The following CLASRP variants were observed in gnomAD, a reference collection of about 807,000 sequenced individuals.
CLASRP encodes the protein CLK4-associating serine/arginine rich protein.
CLASRP carries 52 observed loss-of-function variants against 99.9 expected under a neutral mutation model. The ratio of observed to expected loss-of-function variants is 0.52; its 90% CI spans 0.42 to 0.66. CLASRP has a LOEUF of 0.66. Among genes scored for constraint, CLASRP ranks in the 30% least tolerant of loss-of-function variants. CLASRP has a pLI of 0.00. For synonymous variants in CLASRP, 379 were observed against 373.0 expected, an observed-to-expected ratio of 1.02 and a Z score of -0.18; for missense variants, 848 against 999.2, an observed-to-expected ratio of 0.85 and a Z score of 2.04.
intron 2 of CLASRP, among the ~76,000 whole-genome samples, chr19:45,051,372 G>GGGC (rs1972020276): frequency 1.3e-5 from 2 of 151,818 alleles, no homozygotes; most frequent in African/African-American, 4.8e-5. Flanking sequence ...AGAGTGCGGT[G>GGGC]ACACAATCTC....
intron 2 of CLASRP, among the ~76,000 whole-genome samples, chr19:45,045,077 G>A (rs1971890092): frequency 6.6e-6 from 1 of 152,206 alleles, no homozygotes; most frequent in African/African-American, 2.4e-5. Flanking sequence ...GGGGACCTAA[G>A]CCGCTTCTGT....
Position 45,067,613 on chromosome 19 carries a change from G to T in CLASRP, c.1667+19G>T. 6.4e-7 allele frequency: 1 copy of T among 1,571,274 alleles called. No homozygotes were observed. The highest frequency in any genetic ancestry group is 8.6e-7 in the Non-Finnish European group (1 of 1,159,470). On this transcript the variant is annotated intron_variant, in intron 14 of 20. Transcript: ENST00000221455. This position sits in a 1 kb window ranked among gnomAD's most constrained non-coding sequence, Gnocchi z 4.9. Reference sequence around the variant, plus strand: ...TGAAAAAGTGAGCGGGGCGGGTCTGGAGGAAGAGGGCTGCCAATCTCGGGT... The same window carrying T: ...TGAAAAAGTGAGCGGGGCGGGTCTGTAGGAAGAGGGCTGCCAATCTCGGGT...
At chr19:45,050,225 C>G (rs944098209) in intron 2 of CLASRP, among the ~76,000 whole-genome samples, 9 of 151,766 alleles carry the variant, frequency 5.9e-5, no homozygotes, top group Admixed American at 4.6e-4. Flanking sequence ...GGGGTGCGGC[C>G]CAACATGTGT....
At chr19:45,068,141 G>A (rs544932744) in intron 15 of CLASRP, 87 bp downstream of exon 15, 6 of 1,251,212 alleles carry the variant, frequency 4.8e-6, no homozygotes, top group East Asian at 2.4e-5. Context: ...AGGGGGGCCC[G>A]GGTGGGCTGG....
At chr19:45,047,419 A>G (rs1441782102) in intron 2 of CLASRP, 3 of 151,324 alleles carry the variant, frequency 2.0e-5, no homozygotes, top group African/African-American at 7.3e-5. Flanking sequence ...CTCAAAAAAA[A>G]AAAAAAAAAA....
intron 10 of CLASRP, among the ~76,000 whole-genome samples, chr19:45,061,330 G>A (rs1472423644): frequency 6.6e-6 from 1 of 152,230 alleles, no homozygotes; most frequent in South Asian, 2.1e-4. Context: ...GCACACAGAG[G>A]GTAGTGCAGG....
rs759794192 is a variant in CLASRP at position 45,064,070 on chromosome 19, C to T, written c.964C>T (p.Arg322Cys). Residue 322 changes from arginine (R) to cysteine (C), a missense_variant, in exon 12 of 21, where the codon CGC becomes TGC. Arg to Cys is a radical substitution (Grantham distance 180). Coordinates refer to ENST00000221455, the MANE Select transcript of CLASRP (RefSeq NM_007056.3). ...RSRSRSPTPG[R>C]EEKITFITSF... is the part of the protein sequence containing the mutation. The stretch of plus-strand genomic sequence containing the variant: ...CCGCTCCCGCTCCCCGACCCCGGGC[C>T]GCGAGGAGAAGATCACGTTCATCAC... The T allele has an allele frequency of 7.4e-6, 12 of 1,612,350 alleles. 1 individual carries two copies. Among genetic ancestry groups the T allele is most frequent in the Non-Finnish European group, 9.3e-6 (11 of 1,179,780 alleles).
chr19:45,052,633 G>A (rs1409818348), intron 3 of CLASRP, among the ~76,000 whole-genome samples, 158 bp from the exon 4 acceptor site: 1 of 152,046 alleles, frequency 6.6e-6, no homozygotes, highest in Non-Finnish European at 1.5e-5. Flanking sequence ...GCAACAGAAG[G>A]GACTGAGAGC....
In CLASRP at chr19:45,043,921, G is replaced by A. The variant is rs1027072436; in HGVS notation, c.99+3610G>A. On this transcript the variant is annotated intron_variant, in intron 2 of 20. Transcript: ENST00000221455. The stretch of plus-strand genomic sequence containing the variant: ...TTTTGAGATGGAGTCTGGCTCTGTC[G>A]CCCAGGCTGGAGTGCAGTGGCACGA... Among the ~76,000 whole-genome samples the A allele has an allele frequency of 6.6e-5, 10 of 151,636 alleles. No homozygotes were observed. In the East Asian group the frequency reaches 1.4e-3, roughly 21 times the overall value.
Position 45,067,702 on chromosome 19 carries a change from G to A in CLASRP, c.1667+108G>A. ...CTTAGCCCTACCCTGGGAGGTCTGG[G>A]GGGTGGTGTATGGCCCTGGCCTGGG... On this transcript the variant is annotated intron_variant, in intron 14 of 20. Coordinates refer to ENST00000221455, the MANE Select transcript of CLASRP (RefSeq NM_007056.3). This position sits in a 1 kb window ranked among gnomAD's most constrained non-coding sequence, Gnocchi z 4.9. The A allele has an allele frequency of 9.0e-7, 1 of 1,108,470 alleles. No individual in the cohort carries two copies. Among genetic ancestry groups the A allele is most frequent in the Non-Finnish European group, 1.3e-6 (1 of 785,892 alleles). The allele number at this position is 1,108,470 out of a possible 1,614,324, so 68.7% of individuals were successfully genotyped here.
chr19:45,054,810 G>C (rs991665931), intron 5 of CLASRP, among the ~76,000 whole-genome samples: 3 of 152,120 alleles, frequency 2.0e-5, no homozygotes, highest in Admixed American at 6.5e-5. Flanking sequence ...TGTTGCGTGG[G>C]GTGGTTGTAA....
Position 45,057,866 on chromosome 19 carries a change from A to G in CLASRP, c.581A>G (p.Asn194Ser), listed in dbSNP as rs1972150625. The change falls in exon 7 of 21, where the codon AAC (asparagine) becomes AGC (serine). Residue 194 changes from asparagine (N) to serine (S), a missense_variant. Around this residue, in one of 8 missense-constraint regions of CLASRP, gnomAD observed 119 missense variants for 170.2 expected, o/e 0.70. Transcript: ENST00000221455. ...EEESAAEEES[N>S]SDEDEVIPDI... ...GAGTCAGCGGCCGAGGAGGAGAGCA[A>G]CTCGGACGAAGATGAGGTCATCCCC... 1.2e-6 allele frequency: 2 copies of G among 1,613,906 alleles called. No individual in the cohort carries two copies. The highest frequency in any genetic ancestry group is 2.2e-5 in the East Asian group (1 of 44,868).
rs376024218 is a variant in CLASRP, at chr19:45,050,694, GTGTTT to G, written c.100-1355_100-1351del. On this transcript the variant is annotated intron_variant, in intron 2 of 20. Transcript: ENST00000221455. ...TTTCTCTATATTCTTGTCACTACTT[GTGTTT>G]TGTTTTGTTTTGTTTTGTTTTTTGT... is the stretch of plus-strand genomic sequence containing the variant. Among the ~76,000 whole-genome samples the G allele has an allele frequency of 3.9e-3, 588 of 152,072 alleles. 3 individuals are homozygous for G. Among genetic ancestry groups the G allele is most frequent in the African/African-American group, 0.013 (539 of 41,510 alleles).
intron 16 of CLASRP, among the ~76,000 whole-genome samples, chr19:45,068,784 G>C (rs1286320206): frequency 6.6e-6 from 1 of 151,964 alleles, no homozygotes; most frequent in African/African-American, 2.4e-5. Context: ...GGATCACGAG[G>C]TCAGGAGATC....
At chr19:45,066,318 C>T (rs1967086369) in intron 13 of CLASRP, among the ~76,000 whole-genome samples, 1 of 152,060 alleles carries the variant, frequency 6.6e-6, no homozygotes, top group Non-Finnish European at 1.5e-5. Flanking sequence ...CGGGGTTTCA[C>T]TGTGTTGGCC....
chr19:45,059,887 T>G (rs1966900681), intron 8 of CLASRP, among the ~76,000 whole-genome samples: 1 of 152,166 alleles, frequency 6.6e-6, no homozygotes, highest in African/African-American at 2.4e-5. Context: ...CTTACCCATC[T>G]GGTCCTCTCA....
Position 45,064,162 on chromosome 19 carries a change from C to T in CLASRP, c.1056C>T (p.Thr352=), listed in dbSNP as rs1329878408. 1.7e-5 allele frequency: 27 copies of T among 1,610,904 alleles called. No homozygotes were observed. The highest frequency in any genetic ancestry group is 2.2e-5 in the Non-Finnish European group (26 of 1,179,312). The change falls in exon 12 of 21, where the codon ACC becomes ACT. Residue 352 remains threonine, a synonymous_variant. Transcript: ENST00000221455. ...CTGCCGCAGCAGCATCAGGAGTCAC[C>T]ACAGGGAAGCCCCCCGCACCTCCCC... ...AAAAAAASGV[T]TGKPPAPPQP...
intron 11 of CLASRP, 74 bp from the exon 12 acceptor site, chr19:45,063,938 G>T (rs193213659): frequency 4.8e-4 from 722 of 1,500,434 alleles, no homozygotes; most frequent in Non-Finnish European, 6.2e-4. Flanking sequence ...CGCTGCTGTT[G>T]ATCTGCTGTG....
intron 13 of CLASRP, among the ~76,000 whole-genome samples, chr19:45,065,165 G>A (rs1967055713): frequency 6.6e-6 from 1 of 151,956 alleles, no homozygotes; most frequent in African/African-American, 2.4e-5. Flanking sequence ...GGCCGAGGCA[G>A]GCGGATCTCC....
Sources: gnomAD v4.1 joint callset for allele counts (sites outside exome capture counted in the v4.1 genomes callset) on GRCh38, gnomAD v4.1.1 for gene constraint, gnomAD v4.1.1 regional missense constraint, Gnocchi (gnomAD v3.1) non-coding constraint, MANE v1.5 for transcripts, NCBI Gene and HGNC (gene_info 2026-07-23, HGNC 2026-07-21) for gene names.